Variants in GALNT9 observed in about 807,000 individuals in gnomAD.
GALNT9 encodes polypeptide N-acetylgalactosaminyltransferase 9.
Under a neutral mutation model 63.1 loss-of-function variants are expected in GALNT9, and 47 were observed. The observed-to-expected ratio is 0.75, with a 90% confidence interval of 0.59 to 0.95. The LOEUF is 0.95. GALNT9 is among the 40% of genes least tolerant of loss of function. The probability of loss-of-function intolerance (pLI) is 0.00; values close to 1 mark genes in which losing one functional copy is unlikely to be tolerated. For synonymous variants in GALNT9, 396 were observed against 365.7 expected (o/e 1.08, Z -0.94); for missense variants, 829 against 874.8 (o/e 0.95, Z 0.66).
intron 1 of GALNT9, among the ~76,000 whole-genome samples, chr12:132,303,212 G>A (rs1306374841): frequency 6.6e-6 from 1 of 152,018 alleles, no homozygotes; most frequent in Non-Finnish European, 1.5e-5. Context: ...GACTGCCCAA[G>A]GCTGGGCAGG....
In GALNT9 at chr12:132,249,480, C is replaced by G. The variant is rs74396981; in HGVS notation, c.960-1453G>C. Among the ~76,000 whole-genome samples the G allele has an allele frequency of 8.5e-5, 13 of 152,344 alleles. No individual in the cohort carries two copies. The East Asian group carries it at 2.5e-3, about 29-fold the overall frequency. ...ATTGTCCTTTTATTTGTGCAAAGAT[C>G]CAATTTGTTCTGTCATTAGATTTCG... On this transcript the variant is annotated intron_variant, in intron 5 of 10. Coordinates refer to ENST00000328957, the MANE Select transcript of GALNT9 (RefSeq NM_001122636.2).
rs1367771789 is a variant in GALNT9 at position 132,258,141 on chromosome 12, C to T, written c.762-255G>A. On this transcript the variant is annotated intron_variant, in intron 4 of 10. Coordinates refer to ENST00000328957, the MANE Select transcript of GALNT9 (RefSeq NM_001122636.2). ...ACTGGCCCCTGGGGGACGCTGACAC[C>T]GGCCACGTTGGCCCAACTGCAGTAT... 4.6e-5 allele frequency among the ~76,000 whole-genome samples: 7 copies of T among 152,200 alleles called. No individual in the cohort carries two copies. The South Asian group carries it at 6.2e-4, about 13-fold the overall frequency.
intron 6 of GALNT9, among the ~76,000 whole-genome samples, chr12:132,211,241 G>C (rs1666380913): frequency 6.6e-6 from 1 of 152,208 alleles, no homozygotes; most frequent in African/African-American, 2.4e-5. Context: ...GCAGGATGCA[G>C]AAAATGCTTT....
chr12:132,218,211 G>A (rs1877298029), intron 6 of GALNT9, among the ~76,000 whole-genome samples: 1 of 152,214 alleles, frequency 6.6e-6, no homozygotes, highest in Admixed American at 6.5e-5. Context: ...GCTGTGCAAA[G>A]CTGTGTCATC....
chr12:132,207,312 G>A (rs1039517298), intron 6 of GALNT9, among the ~76,000 whole-genome samples: 4 of 152,212 alleles, frequency 2.6e-5, no homozygotes, highest in South Asian at 2.1e-4. Flanking sequence ...TGCTCAGAGC[G>A]AGGCCGGGCA....
chr12:132,307,897 G>A (rs554664186), intron 1 of GALNT9, among the ~76,000 whole-genome samples: 22 of 151,226 alleles, frequency 1.5e-4, no homozygotes, highest in African/African-American at 4.6e-4. Context: ...TGGGCTGGGC[G>A]CAGTGGCTCA....
chr12:132,281,477 T>C (rs1370743034), intron 2 of GALNT9, among the ~76,000 whole-genome samples: 1 of 152,204 alleles, frequency 6.6e-6, no homozygotes, highest in Non-Finnish European at 1.5e-5. Context: ...GGGATATAAA[T>C]ACATGTGTAA....
At position 132,201,138 on chromosome 12, in the gene GALNT9, G is replaced by T. The variant is rs767565284; in HGVS notation, c.1387C>A (p.Leu463Ile). 3.1e-6 allele frequency: 5 copies of T among 1,613,264 alleles called. No homozygotes were observed. In the African/African-American group the frequency reaches 6.7e-5, roughly 22 times the overall value. Residue 463 changes from leucine to isoleucine, a missense_variant, in exon 8 of 11, where the codon CTC becomes ATC. By Grantham distance (5) the Leu-to-Ile change is conservative. Coordinates refer to ENST00000328957, the MANE Select transcript of GALNT9 (RefSeq NM_001122636.2). ...GGAGGTGCTACCTCTCCGTACGTGA[G>T]GGTGTTGTTGTAGACCCTCATCTCC... The part of the protein sequence containing the change: ...YPEMRVYNNT[L>I]TYGEVRNSKA...
At chr12:132,284,114 TATGCACACAC>T (rs1880482360) in intron 2 of GALNT9, 1 of 114,882 alleles carries the variant, frequency 8.7e-6, no homozygotes, top group Non-Finnish European at 1.9e-5. Flanking sequence ...CACGCACACA[TATGCACACAC>T]GCACATGCAC....
At chr12:132,317,169 C>G (rs1555245780) in intron 1 of GALNT9, among the ~76,000 whole-genome samples, 1 of 145,622 alleles carries the variant, frequency 6.9e-6, no homozygotes, top group Admixed American at 6.7e-5. Flanking sequence ...ACGGCCCCAT[C>G]CTACACCCCA....
chr12:132,212,161 A>G (rs1166014239), intron 6 of GALNT9, among the ~76,000 whole-genome samples: 1 of 148,764 alleles, frequency 6.7e-6, no homozygotes. Flanking sequence ...TCACACCACG[A>G]CACGGAAACC....
At chr12:132,263,646 C>T (rs1879490332) in intron 2 of GALNT9, among the ~76,000 whole-genome samples, 1 of 152,206 alleles carries the variant, frequency 6.6e-6, no homozygotes, top group African/African-American at 2.4e-5. Flanking sequence ...AACGTGAGCG[C>T]CCTGACAGCA....
intron 6 of GALNT9, among the ~76,000 whole-genome samples, chr12:132,235,346 G>A (rs1666230422): frequency 1.3e-5 from 2 of 152,238 alleles, no homozygotes; most frequent in East Asian, 3.9e-4. Context: ...CTGGGAATCA[G>A]GCAGCTTCCA....
At chr12:132,271,886 C>T (rs1555240763) in intron 2 of GALNT9, among the ~76,000 whole-genome samples, 1 of 152,142 alleles carries the variant, frequency 6.6e-6, no homozygotes, top group Non-Finnish European at 1.5e-5. Flanking sequence ...TGTGTTACTG[C>T]GGCAGCAGCC....
intron 5 of GALNT9, among the ~76,000 whole-genome samples, chr12:132,251,412 G>C (rs921267274): frequency 1.3e-5 from 2 of 152,218 alleles, no homozygotes; most frequent in African/African-American, 2.4e-5. Flanking sequence ...GTCTTGGGGG[G>C]CTCCCGGCAT....
At chr12:132,305,149 ACCCT>A (rs2135578966) in intron 1 of GALNT9, among the ~76,000 whole-genome samples, 1 of 53,020 alleles carries the variant, frequency 1.9e-5, no homozygotes, top group Non-Finnish European at 3.3e-5. Flanking sequence ...GCCCGGGCAC[ACCCT>A]CGCCTGGGCA....
intron 1 of GALNT9, among the ~76,000 whole-genome samples, chr12:132,292,421 C>G (rs1223956891): frequency 4.6e-5 from 7 of 152,210 alleles, no homozygotes; most frequent in Non-Finnish European, 2.9e-5. Flanking sequence ...TGCCGAGCCA[C>G]AGACAAGCCC....
At chr12:132,266,850 G>A (rs1275951030) in intron 2 of GALNT9, among the ~76,000 whole-genome samples, 9 of 152,284 alleles carry the variant, frequency 5.9e-5, no homozygotes, top group African/African-American at 1.2e-4. Flanking sequence ...CCACCGAGTC[G>A]GGCAATGGGG....
intron 5 of GALNT9, among the ~76,000 whole-genome samples, chr12:132,251,555 C>G (rs1878916346): frequency 6.6e-6 from 1 of 152,204 alleles, no homozygotes; most frequent in Non-Finnish European, 1.5e-5. Context: ...TCCTCCGGGC[C>G]CACACCGCCC....
Sources: allele counts gnomAD v4.1 joint callset (sites outside exome capture counted in the v4.1 genomes callset), GRCh38; gene constraint gnomAD v4.1.1; transcripts MANE v1.5; gene names NCBI Gene and HGNC (gene_info 2026-07-23, HGNC 2026-07-21).